The following PTPRT variants were observed in gnomAD, a reference collection of about 807,000 sequenced individuals.
PTPRT encodes the protein protein tyrosine phosphatase receptor type T.
A neutral mutation model predicts 176.8 loss-of-function variants in PTPRT; 56 were observed. That is an observed-to-expected ratio of 0.32 (90% CI 0.26 to 0.40). PTPRT has a LOEUF of 0.40. PTPRT is among the 10% of genes least tolerant of loss of function. The pLI is 1.00. For synonymous variants in PTPRT, 783 were observed against 739.0 expected (o/e 1.06, Z -0.96); for missense variants, 1,540 against 1,908.2 (o/e 0.81, Z 3.60).
intron 7 of PTPRT, among the ~76,000 whole-genome samples, chr20:42,589,193 A>G (rs928412258): frequency 2.0e-5 from 3 of 152,202 alleles, no homozygotes; most frequent in African/African-American, 7.2e-5. Flanking sequence ...TTCACTGCCC[A>G]TCAGACTGGT....
At position 43,072,932 on chromosome 20, in the gene PTPRT, T is replaced by C. The variant is rs76966293; in HGVS notation, c.88+116714A>G. The stretch of plus-strand genomic sequence containing the variant: ...TTAAGTTTCCACCAAGCTCAAAAAC[T>C]GGTCCAGGTGTGGTCCTTTACCATA... On this transcript the variant is annotated intron_variant, in intron 1 of 30. Transcript: ENST00000373187. Among the ~76,000 whole-genome samples, 761 of 152,280 alleles carry C rather than the reference T, an allele frequency of 5.0e-3. 18 individuals are homozygous for C. In the East Asian group the frequency reaches 0.076, roughly 15 times the overall value.
At position 42,119,203 on chromosome 20, in the gene PTPRT, G is replaced by A. The variant is rs76924129; in HGVS notation, c.2885-703C>T. Among the ~76,000 whole-genome samples the A allele has an allele frequency of 6.3e-3, 954 of 152,072 alleles. 13 individuals carry two copies. The highest frequency in any genetic ancestry group is 0.022 in the African/African-American group (892 of 41,484). ...TTTCTATATTTATATGTATATGTGT[G>A]TATTTACTGTAATAAGCATCAGACC... On this transcript the variant is annotated intron_variant, in intron 20 of 30. Coordinates refer to ENST00000373187, the MANE Select transcript of PTPRT (RefSeq NM_007050.6).
At chr20:42,915,486 C>A (rs893101395) in intron 1 of PTPRT, among the ~76,000 whole-genome samples, 2 of 152,200 alleles carry the variant, frequency 1.3e-5, no homozygotes, top group African/African-American at 2.4e-5. Flanking sequence ...TCAGAGAGGA[C>A]CAGATTTGCC....
intron 1 of PTPRT, among the ~76,000 whole-genome samples, chr20:43,132,233 C>A (rs1437149879): frequency 6.6e-6 from 1 of 151,912 alleles, no homozygotes; most frequent in Non-Finnish European, 1.5e-5. Flanking sequence ...ACATGTAGAT[C>A]CTTGTATATT....
chr20:42,439,330 A>G (rs1313543048), intron 9 of PTPRT, among the ~76,000 whole-genome samples: 1 of 152,218 alleles, frequency 6.6e-6, no homozygotes, highest in Non-Finnish European at 1.5e-5. Context: ...GGAGAGGGAA[A>G]AAGATTTGCA....
At chr20:42,351,451 A>G (rs1050858886) in intron 10 of PTPRT, among the ~76,000 whole-genome samples, 2 of 152,214 alleles carry the variant, frequency 1.3e-5, no homozygotes, top group African/African-American at 4.8e-5. Flanking sequence ...AACATAGGAA[A>G]CACTTATGGG....
At chr20:42,281,469 G>A (rs1019827048) in intron 13 of PTPRT, among the ~76,000 whole-genome samples, 7 of 151,930 alleles carry the variant, frequency 4.6e-5, no homozygotes, top group African/African-American at 1.5e-4. Flanking sequence ...GATGGGTCTT[G>A]GTGCACATTT....
intron 17 of PTPRT, among the ~76,000 whole-genome samples, chr20:42,148,728 T>C (rs1568971018): frequency 6.6e-6 from 1 of 152,166 alleles, no homozygotes; most frequent in Admixed American, 6.5e-5. Context: ...GAGGCCACGA[T>C]GGAACAAGAC....
chr20:42,954,185 A>G (rs1020879217), intron 1 of PTPRT, among the ~76,000 whole-genome samples: 3 of 152,190 alleles, frequency 2.0e-5, no homozygotes, highest in Admixed American at 6.5e-5. Context: ...GATCCAACTC[A>G]TAAGAGGTTG....
At chr20:42,393,635 G>A (rs1395721520) in intron 9 of PTPRT, among the ~76,000 whole-genome samples, 2 of 152,136 alleles carry the variant, frequency 1.3e-5, no homozygotes, top group East Asian at 3.9e-4. Flanking sequence ...TCAAAGTAAA[G>A]TACCATATTT....
chr20:42,193,694 C>T lies in PTPRT; in HGVS notation c.2491+5546G>A, dbSNP rs75338948. On this transcript the variant is annotated intron_variant, in intron 16 of 30. Coordinates refer to ENST00000373187, the MANE Select transcript of PTPRT (RefSeq NM_007050.6). ...CATAAGTTTTAGCACATAGTAGGTG[C>T]CCAATAAAAGTTATCTTCTTCTTTG... 4.8e-3 allele frequency among the ~76,000 whole-genome samples: 726 copies of T among 152,262 alleles called. 19 individuals carry two copies. Among genetic ancestry groups the T allele is most frequent in the Admixed American group, 0.034 (523 of 15,286 alleles).
intron 2 of PTPRT, among the ~76,000 whole-genome samples, chr20:42,800,841 T>C (rs2077520572): frequency 6.6e-6 from 1 of 152,186 alleles, no homozygotes; most frequent in South Asian, 2.1e-4. Flanking sequence ...ATCGCTATTA[T>C]TGCCAAGCTT....
At chr20:42,956,408 T>TTGCTCCTACTCTAGCCGTGTGAGACACC in intron 1 of PTPRT, among the ~76,000 whole-genome samples, 1 of 151,528 alleles carries the variant, frequency 6.6e-6, no homozygotes. Flanking sequence ...ACTCTCTCTC[T>TTGCTCCTACTCTAGCCGTGTGAGACACC]TGCTCCTACT....
At chr20:42,634,912 T>C (rs2074560694) in intron 7 of PTPRT, among the ~76,000 whole-genome samples, 1 of 152,160 alleles carries the variant, frequency 6.6e-6, no homozygotes, top group African/African-American at 2.4e-5. Context: ...GTAAGTCTTT[T>C]TTATTTCCAG....
intron 7 of PTPRT, among the ~76,000 whole-genome samples, chr20:42,666,851 T>C (rs988983937): frequency 1.3e-5 from 2 of 152,226 alleles, no homozygotes; most frequent in Non-Finnish European, 2.9e-5. Context: ...TATTTTTGTT[T>C]ATTTGCTTTG....
chr20:42,600,215 C>G lies in PTPRT; in HGVS notation c.1153+77651G>C, dbSNP rs544769550. 6.2e-4 allele frequency among the ~76,000 whole-genome samples: 95 copies of G among 152,310 alleles called. 1 individual carries two copies. The highest frequency in any genetic ancestry group is 2.3e-3 in the African/African-American group (94 of 41,558). On this transcript the variant is annotated intron_variant, in intron 7 of 30. Coordinates refer to ENST00000373187, the MANE Select transcript of PTPRT (RefSeq NM_007050.6). ...AGTTCAGTGGCACTATCTCAACTCA[C>G]TGTAACCTCTGCCTCTCAGGTTCAT...
intron 19 of PTPRT, among the ~76,000 whole-genome samples, chr20:42,127,987 T>C (rs1325069253): frequency 2.0e-5 from 3 of 152,238 alleles, no homozygotes; most frequent in Non-Finnish European, 4.4e-5. Context: ...CTCTTGTCTA[T>C]GGGATAAAGT....
intron 9 of PTPRT, among the ~76,000 whole-genome samples, chr20:42,398,038 T>C (rs1479752339): frequency 1.3e-5 from 2 of 152,182 alleles, no homozygotes; most frequent in Non-Finnish European, 2.9e-5. Context: ...TTGAAAAATG[T>C]AGTTAACATA....
intron 15 of PTPRT, among the ~76,000 whole-genome samples, chr20:42,203,193 A>G (rs1991520745): frequency 6.6e-6 from 1 of 152,242 alleles, no homozygotes; most frequent in Admixed American, 6.5e-5. Context: ...AATAAAACAC[A>G]AAACCACAGT....
Sources: allele counts gnomAD v4.1 joint callset (sites outside exome capture counted in the v4.1 genomes callset), GRCh38; gene constraint gnomAD v4.1.1; transcripts MANE v1.5; gene names NCBI Gene and HGNC (gene_info 2026-07-23, HGNC 2026-07-21).